Variants in PLA2R1 observed in about 807,000 individuals in gnomAD.
PLA2R1 encodes secretory phospholipase A2 receptor.
Under a neutral mutation model 195.9 loss-of-function variants are expected in PLA2R1, and 158 were observed. That is an observed-to-expected ratio of 0.81 (90% CI 0.71 to 0.92). The LOEUF (loss-of-function observed/expected upper bound fraction) is 0.92, where lower values mean the gene tolerates loss of function less well. Ranked by LOEUF, PLA2R1 falls within the 40% of genes least tolerant of loss-of-function variation. PLA2R1 has a pLI of 0.00. For missense variants in PLA2R1, 1,626 were observed against 1,764.6 expected (o/e 0.92, Z 1.41); for synonymous variants, 586 against 598.2 (o/e 0.98, Z 0.30).
chr2:160,027,775 T>C (rs535142623), intron 6 of PLA2R1, among the ~76,000 whole-genome samples: 5 of 152,208 alleles, frequency 3.3e-5, no homozygotes, highest in Admixed American at 1.3e-4. Flanking sequence ...AAGTTCTGCA[T>C]GTAATTTCAG....
At position 160,013,751 on chromosome 2, in the gene PLA2R1, G is replaced by GTGTCTC. The variant is rs1486424551; in HGVS notation, c.1552-377_1552-376insGAGACA. The stretch of plus-strand genomic sequence containing the variant: ...TGTGTGTGTGTGTGTGTGTGTGTGT[G>GTGTCTC]TCTCTCTCTCTCTGACTTACAGAAT... On this transcript the variant is annotated intron_variant, in intron 9 of 29. Transcript: ENST00000283243. Among the ~76,000 whole-genome samples, 7 of 129,878 alleles carry GTGTCTC rather than the reference G, an allele frequency of 5.4e-5. No individual in the cohort carries two copies. The South Asian group carries it at 7.7e-4, about 14-fold the overall frequency. 85.2% of individuals were successfully genotyped at this position (129,878 alleles called of 152,430 possible). A position where few individuals can be genotyped will look rare whatever the true frequency, so the allele number is the denominator to read the frequency against.
chr2:160,014,146 A>C (rs1692574455), intron 9 of PLA2R1, among the ~76,000 whole-genome samples: 1 of 152,158 alleles, frequency 6.6e-6, no homozygotes, highest in Non-Finnish European at 1.5e-5. Context: ...CCTGAAACCC[A>C]ATTCTGGAAC....
intron 10 of PLA2R1, among the ~76,000 whole-genome samples, chr2:160,010,818 T>A (rs1163203131): frequency 2.0e-5 from 3 of 152,222 alleles, no homozygotes; most frequent in African/African-American, 2.4e-5. Flanking sequence ...CCTTTCTTTC[T>A]TCAACTCATG....
chr2:159,943,334 G>A (rs781561880), intron 28 of PLA2R1, among the ~76,000 whole-genome samples: 1 of 152,104 alleles, frequency 6.6e-6, no homozygotes, highest in African/African-American at 2.4e-5. Flanking sequence ...TCGAAAATAT[G>A]TATTATTGTG....
intron 11 of PLA2R1, among the ~76,000 whole-genome samples, chr2:159,999,016 G>A (rs1054723943): frequency 6.6e-6 from 1 of 152,112 alleles, no homozygotes; most frequent in Non-Finnish European, 1.5e-5. Context: ...AAGTAATAAA[G>A]TCATGAGTGC....
intron 1 of PLA2R1, among the ~76,000 whole-genome samples, chr2:160,060,379 AG>A (rs1695873894): frequency 6.6e-6 from 1 of 152,178 alleles, no homozygotes; most frequent in African/African-American, 2.4e-5. Context: ...TTCAATGTTA[AG>A]ATTTTGTTTT....
At chr2:159,987,482 A>C in intron 11 of PLA2R1, 124 bp from the exon 12 acceptor site, 1 of 664,344 alleles carries the variant, frequency 1.5e-6, no homozygotes, top group South Asian at 1.9e-5. Context: ...AGAGCAATCA[A>C]GATGAAAACG....
At chr2:160,059,760 C>T (rs1056418723) in intron 1 of PLA2R1, among the ~76,000 whole-genome samples, 3 of 151,956 alleles carry the variant, frequency 2.0e-5, no homozygotes, top group African/African-American at 4.8e-5. Context: ...TGGTGGGAGG[C>T]GAAAGGCACT....
At chr2:160,049,707 T>G (rs1695103483) in intron 1 of PLA2R1, among the ~76,000 whole-genome samples, 1 of 152,056 alleles carries the variant, frequency 6.6e-6, no homozygotes, top group Non-Finnish European at 1.5e-5. Flanking sequence ...GTGCCTGTAT[T>G]CCCAGCTACT....
chr2:159,950,106 T>A (rs754299537), intron 24 of PLA2R1, among the ~76,000 whole-genome samples: 2 of 152,196 alleles, frequency 1.3e-5, no homozygotes, highest in Non-Finnish European at 2.9e-5. Context: ...CATAAACATG[T>A]TAAAGAAAAC....
chr2:160,042,800 C>CGTGTGT lies in PLA2R1; in HGVS notation c.494-608_494-603dup, dbSNP rs111414981. Among the ~76,000 whole-genome samples the CGTGTGT allele has an allele frequency of 5.3e-4, 63 of 119,710 alleles. 1 individual carries two copies. In the Middle Eastern group the frequency reaches 0.012, roughly 23 times the overall value. 78.5% of individuals were successfully genotyped at this position (119,710 alleles called of 152,430 possible). ...GAAGACAGAGTGGGGTGTGTGTGTG[C>CGTGTGT]GTGTGTGTGTGTGTGTGTGTGTGTG... On this transcript the variant is annotated intron_variant, in intron 2 of 29. Transcript: ENST00000283243.
At chr2:160,004,517 T>C (rs1691840078) in intron 11 of PLA2R1, among the ~76,000 whole-genome samples, 1 of 152,180 alleles carries the variant, frequency 6.6e-6, no homozygotes, top group Admixed American at 6.5e-5. Context: ...AACACTTTCC[T>C]TACCTTGGTA....
chr2:159,970,288 T>TA, intron 17 of PLA2R1, 76 bp from the exon 18 acceptor site: 1 of 936,840 alleles, frequency 1.1e-6, no homozygotes, highest in South Asian at 1.5e-5. Context: ...GGGTTGCTGC[T>TA]AATAGCTTTC....
chr2:159,967,024 A>C (rs1460830971), intron 20 of PLA2R1, among the ~76,000 whole-genome samples: 1 of 152,128 alleles, frequency 6.6e-6, no homozygotes, highest in Non-Finnish European at 1.5e-5. Context: ...CTAAGTTATT[A>C]GTCCCTCAAT....
At chr2:159,925,689 G>A in the PLA2R1 span, among the ~76,000 whole-genome samples, 1 of 152,098 alleles carries the variant, frequency 6.6e-6, no homozygotes, top group African/African-American at 2.4e-5. Context: ...AAGGATCCCA[G>A]CTCCCCAAAC....
chr2:159,976,359 C>CAG (rs74790924), intron 16 of PLA2R1, 134 bp from the exon 17 acceptor site: 11 of 634,946 alleles, frequency 1.7e-5, no homozygotes, highest in African/African-American at 3.7e-5. Flanking sequence ...CACACACACA[C>CAG]AGACACATAT....
chr2:160,028,682 G>A (rs1275370834), intron 5 of PLA2R1, among the ~76,000 whole-genome samples, 168 bp downstream of exon 5: 2 of 152,050 alleles, frequency 1.3e-5, no homozygotes, highest in African/African-American at 4.8e-5. Context: ...TATCTTCCTG[G>A]TCCCTATTTT....
intron 2 of PLA2R1, among the ~76,000 whole-genome samples, chr2:160,043,115 G>T (rs1280141155): frequency 6.6e-6 from 1 of 152,100 alleles, no homozygotes; most frequent in Non-Finnish European, 1.5e-5. Flanking sequence ...ACGTACTAGA[G>T]TGTCAGTGCA....
Position 160,062,607 on chromosome 2 carries a change from C to T in PLA2R1, c.-204G>A, listed in dbSNP as rs1011699088. 2.2e-6 allele frequency: 2 copies of T among 923,936 alleles called. No homozygotes were observed. Among genetic ancestry groups the T allele is most frequent in the Non-Finnish European group, 3.0e-6 (2 of 676,454 alleles). 57.2% of individuals were successfully genotyped at this position (923,936 alleles called of 1,614,324 possible). ...GCTGTCTCCACAGTGAACCGACACT[C>T]GGGGCTCTGGGCTGGGATGCGGGAA... On this transcript the variant is annotated 5_prime_UTR_variant, in exon 1 of 30. Coordinates refer to ENST00000283243, the MANE Select transcript of PLA2R1 (RefSeq NM_007366.5).
Sources: allele counts gnomAD v4.1 joint callset (sites outside exome capture counted in the v4.1 genomes callset), GRCh38; gene constraint gnomAD v4.1.1; transcripts MANE v1.5; gene names NCBI Gene and HGNC (gene_info 2026-07-23, HGNC 2026-07-21).